The following KIAA1217 variants were observed in gnomAD, a reference collection of about 807,000 sequenced individuals.
KIAA1217 encodes sickle tail protein homolog.
In KIAA1217, 88 loss-of-function variants were observed where a neutral mutation model predicts 163.9. The observed-to-expected ratio is 0.54, with a 90% confidence interval of 0.45 to 0.64. The LOEUF is 0.64. Among genes scored for constraint, KIAA1217 ranks in the 30% least tolerant of loss-of-function variants. The probability of loss-of-function intolerance (pLI) is 0.00; values close to 1 mark genes in which losing one functional copy is unlikely to be tolerated. For missense variants in KIAA1217, 2,372 were observed against 2,475.0 expected, an observed-to-expected ratio of 0.96 and a Z score of 0.88; for synonymous variants, 903 against 923.1, an observed-to-expected ratio of 0.98 and a Z score of 0.39.
intron 1 of KIAA1217, among the ~76,000 whole-genome samples, chr10:23,965,323 A>G (rs1487273806): frequency 3.3e-5 from 5 of 152,228 alleles, no homozygotes; most frequent in Non-Finnish European, 7.3e-5. Flanking sequence ...AACCAACTGT[A>G]TGTTTCATAA....
intron 1 of KIAA1217, among the ~76,000 whole-genome samples, chr10:23,813,116 T>C (rs868628490): frequency 1.1e-4 from 17 of 152,190 alleles, no homozygotes; most frequent in African/African-American, 3.1e-4. Flanking sequence ...ATCTGACTTT[T>C]TGATGATAGC....
intron 1 of KIAA1217, among the ~76,000 whole-genome samples, chr10:23,737,326 GTA>G (rs1490407167): frequency 2.6e-5 from 4 of 152,080 alleles, no homozygotes; most frequent in Non-Finnish European, 5.9e-5. Context: ...AGCCTCCTGA[GTA>G]GCTGGGACTA....
chr10:24,326,937 G>C (rs1042202782), intron 2 of KIAA1217, among the ~76,000 whole-genome samples: 1 of 152,320 alleles, frequency 6.6e-6, no homozygotes, highest in East Asian at 1.9e-4. Context: ...GTGGTAAATT[G>C]TTGTCTACAT....
upstream of KIAA1217, among the ~76,000 whole-genome samples, chr10:24,205,165 C>T (rs1156683675): frequency 6.6e-6 from 1 of 152,016 alleles, no homozygotes; most frequent in Non-Finnish European, 1.5e-5. Flanking sequence ...GAAAAACTTA[C>T]ATAGGCCAGG....
Position 23,724,638 on chromosome 10 carries a change from C to A in KIAA1217, c.-321+29404C>A, listed in dbSNP as rs535228238. Among the ~76,000 whole-genome samples, 37 of 152,160 alleles carry A rather than the reference C, an allele frequency of 2.4e-4. 2 individuals carry two copies. In the South Asian group the frequency reaches 7.5e-3, roughly 31 times the overall value. ...CTCTCAAATTTTACCCCTAAATATC[C>A]CTAAAGGCAAAAGAGAATGAAGGAT... On this transcript the variant is annotated intron_variant, in intron 1 of 18. Coordinates refer to the KIAA1217 transcript ENST00000376462.
At chr10:24,521,110 G>A (rs7900130) in intron 11 of KIAA1217, among the ~76,000 whole-genome samples, 1 of 147,538 alleles carries the variant, frequency 6.8e-6, no homozygotes, top group Non-Finnish European at 1.5e-5. Context: ...GAGGCGGGCA[G>A]ATCACTTGAG....
At chr10:23,841,341 A>G (rs147899180) in intron 1 of KIAA1217, among the ~76,000 whole-genome samples, 2 of 152,348 alleles carry the variant, frequency 1.3e-5, no homozygotes, top group Non-Finnish European at 2.9e-5. Context: ...TGTCCTGTTC[A>G]AGAAACAGCA....
intron 1 of KIAA1217, among the ~76,000 whole-genome samples, chr10:23,878,964 A>G (rs1840829471): frequency 6.6e-6 from 1 of 151,946 alleles, no homozygotes; most frequent in South Asian, 2.1e-4. Flanking sequence ...CAAGTTTAGA[A>G]CATGTGGAAT....
At chr10:23,855,707 G>T (rs1194567269) in intron 1 of KIAA1217, among the ~76,000 whole-genome samples, 1 of 152,050 alleles carries the variant, frequency 6.6e-6, no homozygotes, top group Non-Finnish European at 1.5e-5. Flanking sequence ...GGCTTTGTTT[G>T]TTTCTTTTTA....
chr10:23,819,272 G>A (rs1222273682), intron 1 of KIAA1217, among the ~76,000 whole-genome samples: 1 of 152,136 alleles, frequency 6.6e-6, no homozygotes, highest in Non-Finnish European at 1.5e-5. Context: ...CTAGGTTCTA[G>A]CTAAGACAAT....
At chr10:23,889,546 GTTAT>G (rs1454525045) in intron 1 of KIAA1217, among the ~76,000 whole-genome samples, 1 of 151,786 alleles carries the variant, frequency 6.6e-6, no homozygotes, top group Non-Finnish European at 1.5e-5. Flanking sequence ...CTCTTTGTCA[GTTAT>G]TTGTTTTGCA....
intron 2 of KIAA1217, among the ~76,000 whole-genome samples, chr10:24,175,843 C>T (rs2065861161): frequency 1.3e-5 from 2 of 152,132 alleles, no homozygotes; most frequent in South Asian, 2.1e-4. Context: ...TTCATGCCTC[C>T]CAGTGGGTTC....
At chr10:24,284,710 G>T (rs755769668) in intron 2 of KIAA1217, among the ~76,000 whole-genome samples, 17 of 152,138 alleles carry the variant, frequency 1.1e-4, no homozygotes, top group Non-Finnish European at 1.9e-4. Flanking sequence ...TACAAGTGCA[G>T]GTGTCTTTTT....
chr10:24,289,380 G>C (rs2078871251), intron 2 of KIAA1217, among the ~76,000 whole-genome samples: 1 of 152,010 alleles, frequency 6.6e-6, no homozygotes. Context: ...TGAGAGGAGA[G>C]ACCCTGAAGG....
At chr10:23,887,791 C>G (rs1244019505) in intron 1 of KIAA1217, among the ~76,000 whole-genome samples, 1 of 151,852 alleles carries the variant, frequency 6.6e-6, no homozygotes, top group Non-Finnish European at 1.5e-5. Context: ...ACAATCTCAG[C>G]TCACTGCAAC....
intron 2 of KIAA1217, among the ~76,000 whole-genome samples, chr10:24,266,471 A>C (rs1032877075): frequency 7.9e-5 from 12 of 152,176 alleles, no homozygotes; most frequent in African/African-American, 2.9e-4. Flanking sequence ...TGAGAGGTGA[A>C]GCCAGCTGGA....
intron 2 of KIAA1217, among the ~76,000 whole-genome samples, chr10:24,150,685 G>A (rs936636578): frequency 2.0e-5 from 3 of 152,092 alleles, no homozygotes; most frequent in Non-Finnish European, 4.4e-5. Context: ...AATAGCCAAG[G>A]ACACATCAGC....
chr10:24,453,104 G>A (rs1283730288), intron 5 of KIAA1217, among the ~76,000 whole-genome samples: 1 of 152,092 alleles, frequency 6.6e-6, no homozygotes, highest in Non-Finnish European at 1.5e-5. Flanking sequence ...ACAAAATAAA[G>A]AAGTGACAAA....
At chr10:23,722,311 A>G (rs1481944949) in intron 1 of KIAA1217, among the ~76,000 whole-genome samples, 1 of 152,196 alleles carries the variant, frequency 6.6e-6, no homozygotes, top group Non-Finnish European at 1.5e-5. Flanking sequence ...TATGACAATA[A>G]GAATGTACTT....
Sources: allele counts gnomAD v4.1 joint callset (sites outside exome capture counted in the v4.1 genomes callset), GRCh38; gene constraint gnomAD v4.1.1; transcripts MANE v1.5; gene names NCBI Gene and HGNC (gene_info 2026-07-23, HGNC 2026-07-21).